The following GPC6 variants were observed in gnomAD, a reference collection of about 807,000 sequenced individuals.
GPC6 encodes the protein glypican 6.
A neutral mutation model predicts 55.2 loss-of-function variants in GPC6; 14 were observed. The observed-to-expected ratio is 0.25, with a 90% confidence interval of 0.17 to 0.40. The LOEUF is 0.40. Ranked by LOEUF, GPC6 falls within the 10% of genes least tolerant of loss-of-function variation. GPC6 has a pLI of 1.00. For synonymous variants in GPC6, 278 were observed against 259.6 expected, an observed-to-expected ratio of 1.07 and a Z score of -0.68; for missense variants, 641 against 708.5, an observed-to-expected ratio of 0.90 and a Z score of 1.08.
intron 2 of GPC6, among the ~76,000 whole-genome samples, chr13:93,715,197 CG>C (rs746451128): frequency 6.6e-6 from 1 of 151,546 alleles, no homozygotes; most frequent in Non-Finnish European, 1.5e-5. Context: ...AAAACAAACA[CG>C]TGGAGTCAAC....
At chr13:93,722,531 A>G (rs934554299) in intron 2 of GPC6, among the ~76,000 whole-genome samples, 108 of 151,938 alleles carry the variant, frequency 7.1e-4, no homozygotes, top group African/African-American at 2.5e-3. Context: ...CTGTTTACCT[A>G]TCATTGAAGA....
At chr13:93,457,825 A>G in intron 1 of GPC6, among the ~76,000 whole-genome samples, 1 of 144,140 alleles carries the variant, frequency 6.9e-6, no homozygotes. Context: ...GTATCTGTCG[A>G]TCAATATTAA....
chr13:93,983,903 A>G (rs2140407492), intron 3 of GPC6, among the ~76,000 whole-genome samples: 1 of 152,296 alleles, frequency 6.6e-6, no homozygotes, highest in Non-Finnish European at 1.5e-5. Flanking sequence ...AGTTTGAGGA[A>G]CTAACAAATA....
chr13:94,007,271 C>G (rs1031109771), intron 3 of GPC6, among the ~76,000 whole-genome samples: 2 of 152,172 alleles, frequency 1.3e-5, no homozygotes, highest in African/African-American at 2.4e-5. Flanking sequence ...TCCAGTGATT[C>G]AACACATATT....
At chr13:94,186,323 T>C (rs1889186205) in intron 4 of GPC6, among the ~76,000 whole-genome samples, 1 of 152,194 alleles carries the variant, frequency 6.6e-6, no homozygotes, top group Admixed American at 6.5e-5. Context: ...CCTTTAGCTT[T>C]TGAAAAACTA....
intron 2 of GPC6, among the ~76,000 whole-genome samples, chr13:93,829,740 T>TAATTCC (rs1887409159): frequency 6.6e-6 from 1 of 152,218 alleles, no homozygotes; most frequent in African/African-American, 2.4e-5. Context: ...TGGAATTTAG[T>TAATTCC]GTTAGGACAA....
intron 1 of GPC6, among the ~76,000 whole-genome samples, chr13:93,391,681 T>A (rs1337811800): frequency 6.6e-6 from 1 of 152,184 alleles, no homozygotes; most frequent in African/African-American, 2.4e-5. Flanking sequence ...TGTCTAATGA[T>A]TCTGCCACCC....
intron 2 of GPC6, among the ~76,000 whole-genome samples, chr13:93,769,174 T>C (rs1165521300): frequency 2.0e-5 from 3 of 152,150 alleles, no homozygotes; most frequent in Admixed American, 2.0e-4. Flanking sequence ...CCCTTTTGTC[T>C]TCCATTAAAT....
intron 2 of GPC6, among the ~76,000 whole-genome samples, chr13:93,707,804 G>T (rs1882905043): frequency 6.6e-6 from 1 of 151,740 alleles, no homozygotes; most frequent in African/African-American, 2.4e-5. Context: ...TCTTCTAGAT[G>T]ATCTGGTATA....
chr13:93,813,043 A>G (rs957467302), intron 2 of GPC6, among the ~76,000 whole-genome samples: 5 of 152,192 alleles, frequency 3.3e-5, no homozygotes, highest in African/African-American at 1.2e-4. Flanking sequence ...CTTCTACAGG[A>G]CTGCTTTAGA....
chr13:94,216,182 T>G (rs1452166406), intron 4 of GPC6, among the ~76,000 whole-genome samples: 1 of 152,226 alleles, frequency 6.6e-6, no homozygotes, highest in African/African-American at 2.4e-5. Flanking sequence ...AAATCTTTTG[T>G]TTTGTTCTCC....
rs1439403151 is a variant in GPC6 at position 93,439,697 on chromosome 13, AAT to A, written c.161-105564_161-105563del. On this transcript the variant is annotated intron_variant, in intron 1 of 8. Coordinates refer to ENST00000377047, the MANE Select transcript of GPC6 (RefSeq NM_005708.5). The stretch of plus-strand genomic sequence containing the variant: ...AAAATAAAATAAAATAAATAAAAAA[AAT>A]AAAATAAAATAAAATAAAATAAAAC... 5.0e-5 allele frequency among the ~76,000 whole-genome samples: 7 copies of A among 139,316 alleles called. 1 individual carries two copies. Among genetic ancestry groups the A allele is most frequent in the East Asian group, 7.4e-4 (2 of 2,716 alleles). The allele number at this position is 139,316 out of a possible 152,430, so 91.4% of individuals were successfully genotyped here. A position where few individuals can be genotyped will look rare whatever the true frequency, so the allele number is the denominator to read the frequency against.
At chr13:94,344,278 C>A (rs1041995968) in intron 6 of GPC6, among the ~76,000 whole-genome samples, 1 of 152,122 alleles carries the variant, frequency 6.6e-6, no homozygotes, top group Non-Finnish European at 1.5e-5. Flanking sequence ...CCTGTGTGAA[C>A]CTTTAGAAAT....
chr13:93,688,764 AG>A, intron 2 of GPC6, among the ~76,000 whole-genome samples: 1 of 152,164 alleles, frequency 6.6e-6, no homozygotes, highest in African/African-American at 2.4e-5. Flanking sequence ...TAAAGTGCTG[AG>A]GGGAGGGCAG....
intron 2 of GPC6, among the ~76,000 whole-genome samples, chr13:93,618,063 A>G (rs1878799543): frequency 6.6e-6 from 1 of 152,110 alleles, no homozygotes; most frequent in South Asian, 2.1e-4. Flanking sequence ...ACAGGACTGT[A>G]CAAAATGTAA....
At chr13:93,441,453 G>A (rs1445055933) in intron 1 of GPC6, among the ~76,000 whole-genome samples, 2 of 152,156 alleles carry the variant, frequency 1.3e-5, no homozygotes, top group East Asian at 3.9e-4. Context: ...CAGTGATGAT[G>A]AGCATTTTTT....
intron 4 of GPC6, among the ~76,000 whole-genome samples, chr13:94,112,861 G>T (rs113328944): frequency 0.014 from 2,104 of 151,910 alleles, 44 homozygotes; most frequent in African/African-American, 0.049. Flanking sequence ...TTAAACTACT[G>T]CTACCTAATA....
At chr13:94,326,205 GCACA>G (rs3138573) in intron 6 of GPC6, among the ~76,000 whole-genome samples, 4,915 of 147,860 alleles carry the variant, frequency 0.033, 202 homozygotes, top group African/African-American at 0.1. Context: ...GTATGCTTGT[GCACA>G]CACACACACA....
At chr13:94,087,000 G>A (rs761218510) in intron 4 of GPC6, among the ~76,000 whole-genome samples, 1 of 152,094 alleles carries the variant, frequency 6.6e-6, no homozygotes, top group Non-Finnish European at 1.5e-5. Flanking sequence ...TATGTGAGGC[G>A]CTGTGGAAAA....
Sources: allele counts gnomAD v4.1 joint callset (sites outside exome capture counted in the v4.1 genomes callset), GRCh38; gene constraint gnomAD v4.1.1; transcripts MANE v1.5; gene names NCBI Gene and HGNC (gene_info 2026-07-23, HGNC 2026-07-21).